Variants in USP34 observed in about 807,000 individuals in gnomAD.
The protein encoded by USP34 is ubiquitin specific peptidase 34, also known as ubiquitin carboxyl-terminal hydrolase 34.
In USP34, 70 loss-of-function variants were observed where a neutral mutation model predicts 460.3. That is an observed-to-expected ratio of 0.15 (90% CI 0.13 to 0.19). USP34 has a LOEUF of 0.19. Among genes scored for constraint, USP34 ranks in the 10% least tolerant of loss-of-function variants. USP34 has a pLI of 1.00. For synonymous variants in USP34, 1,647 were observed against 1,405.3 expected (o/e 1.17, Z -3.85); for missense variants, 3,985 against 4,236.2 (o/e 0.94, Z 1.65).
intron 3 of USP34, among the ~76,000 whole-genome samples, chr2:61,396,038 C>T (rs1693513208): frequency 7.4e-6 from 1 of 135,172 alleles, no homozygotes; most frequent in Non-Finnish European, 1.6e-5. Flanking sequence ...TCCTGGGTGA[C>T]AGAGCAAAAC....
chr2:61,445,470 G>T (rs569161297), intron 1 of USP34, among the ~76,000 whole-genome samples: 66 of 149,278 alleles, frequency 4.4e-4, no homozygotes, highest in South Asian at 3.6e-3. Context: ...GGGAGGCAGA[G>T]TTTGCAGTGA....
At chr2:61,467,784 G>A (rs1035502596) in intron 1 of USP34, among the ~76,000 whole-genome samples, 13 of 151,508 alleles carry the variant, frequency 8.6e-5, no homozygotes, top group Non-Finnish European at 1.3e-4. Context: ...CACCACACCC[G>A]GCTAATTGGT....
rs139446095 is a variant in USP34, at chr2:61,439,871, G to A, written c.44-19038C>T. On this transcript the variant is annotated intron_variant, in intron 1 of 79. Transcript: ENST00000398571. ...GTGTGGCCCAGAGAGGTGTCTGGGT[G>A]TGGATTCTGTGGATGGCTGCACTGT... 2.4e-4 allele frequency among the ~76,000 whole-genome samples: 36 copies of A among 152,308 alleles called. No individual in the cohort carries two copies. The East Asian group carries it at 6.4e-3, about 27-fold the overall frequency.
intron 57 of USP34, among the ~76,000 whole-genome samples, chr2:61,234,519 A>G (rs1688006635): frequency 6.6e-6 from 1 of 152,228 alleles, no homozygotes; most frequent in African/African-American, 2.4e-5. Flanking sequence ...GAGTGGGGAA[A>G]GAGGAAGTGA....
chr2:61,311,667 A>G lies in USP34; in HGVS notation c.3690T>C (p.Pro1230=), dbSNP rs201058135. Residue 1230 remains proline (P), a synonymous_variant, in exon 27 of 80, where the codon CCT becomes CCC. Transcript: ENST00000398571. ...CCCTAAGATCTGCTACCTGGTCACT[A>G]GGATACATTTCAATAGTCATCTGAA... ...LPDKMTIEMY[P]SDQVADLRAE... is the part of the protein sequence containing the mutation. 6.0e-5 allele frequency: 96 copies of G among 1,612,428 alleles called. No individual in the cohort carries two copies. The highest frequency in any genetic ancestry group is 7.6e-5 in the Non-Finnish European group (90 of 1,179,604).
intron 8 of USP34, among the ~76,000 whole-genome samples, chr2:61,371,176 C>G (rs1380380011): frequency 6.6e-6 from 1 of 152,146 alleles, no homozygotes; most frequent in Non-Finnish European, 1.5e-5. Flanking sequence ...TGAACAATTC[C>G]TATCACCTAA....
intron 1 of USP34, among the ~76,000 whole-genome samples, chr2:61,425,633 G>A (rs894380942): frequency 3.3e-5 from 5 of 152,132 alleles, no homozygotes; most frequent in African/African-American, 1.2e-4. Flanking sequence ...CACCATGGAG[G>A]GCTACAGCAC....
At chr2:61,229,476 C>CAAAAAAAAAAAAAA in intron 59 of USP34, 72 bp downstream of exon 59, 2 of 401,848 alleles carry the variant, frequency 5.0e-6, no homozygotes, top group Non-Finnish European at 7.4e-6. Context: ...AAAAAAAAAA[C>CAAAAAAAAAAAAAA]AAAAAAAAAA....
chr2:61,265,670 G>T, intron 42 of USP34, 113 bp from the exon 43 acceptor site: 1 of 866,156 alleles, frequency 1.2e-6, no homozygotes, highest in Non-Finnish European at 1.6e-6. Flanking sequence ...AATATATATA[G>T]AACATTATAT....
chr2:61,440,461 G>C (rs545788797), intron 1 of USP34, among the ~76,000 whole-genome samples: 1 of 151,988 alleles, frequency 6.6e-6, no homozygotes, highest in Non-Finnish European at 1.5e-5. Flanking sequence ...GCTGCAGAGG[G>C]AATTTCTCTT....
At chr2:61,237,570 T>A (rs1462062702) in intron 53 of USP34, among the ~76,000 whole-genome samples, 2 of 138,704 alleles carry the variant, frequency 1.4e-5, no homozygotes, top group African/African-American at 5.4e-5. Context: ...TTTTTTTTTT[T>A]TTTTTTTTTT....
At chr2:61,311,997 G>T in intron 25 of USP34, 87 bp from the exon 26 acceptor site, 1 of 1,491,752 alleles carries the variant, frequency 6.7e-7, no homozygotes. Context: ...TTACAGACTG[G>T]AAAAGTCCAA....
Position 61,281,302 on chromosome 2 carries a change from A to G in USP34, c.4999-60T>C. ...GTTAGTATTACAAAGTTAATATGTT[A>G]GCAGAAATAATTTTAGGTGATTTTA... On this transcript the variant is annotated intron_variant, in intron 37 of 79. Coordinates refer to ENST00000398571, the MANE Select transcript of USP34 (RefSeq NM_014709.4). 3.9e-6 allele frequency: 6 copies of G among 1,537,162 alleles called. No homozygotes were observed. In the Middle Eastern group the frequency reaches 5.2e-4, roughly 133 times the overall value.
chr2:61,414,867 T>C (rs765598175), intron 2 of USP34, among the ~76,000 whole-genome samples: 2 of 152,112 alleles, frequency 1.3e-5, no homozygotes, highest in Non-Finnish European at 2.9e-5. Context: ...TTACACCCTA[T>C]GCAAACATCT....
chr2:61,257,863 C>T (rs2103897708), intron 44 of USP34, among the ~76,000 whole-genome samples: 1 of 152,284 alleles, frequency 6.6e-6, no homozygotes, highest in East Asian at 1.9e-4. Context: ...AACAGCAAGA[C>T]TCCATCTCCA....
At chr2:61,355,332 T>C (rs1692070500) in intron 10 of USP34, among the ~76,000 whole-genome samples, 1 of 152,182 alleles carries the variant, frequency 6.6e-6, no homozygotes, top group South Asian at 2.1e-4. Context: ...AATACTGAAA[T>C]TTCAGTTTGT....
chr2:61,256,258 T>G, intron 48 of USP34, 126 bp downstream of exon 48: 1 of 813,650 alleles, frequency 1.2e-6, no homozygotes, highest in Middle Eastern at 2.9e-4. Flanking sequence ...TCCATGAGAC[T>G]GAGCTCCATG....
At chr2:61,201,795 T>A (rs1411295504) in intron 75 of USP34, among the ~76,000 whole-genome samples, 3 of 152,254 alleles carry the variant, frequency 2.0e-5, no homozygotes, top group African/African-American at 7.2e-5. Context: ...TAACTTTTAG[T>A]ATAAATTATA....
At chr2:61,466,644 G>A (rs1277627435) in intron 1 of USP34, among the ~76,000 whole-genome samples, 3 of 152,050 alleles carry the variant, frequency 2.0e-5, no homozygotes, top group Non-Finnish European at 2.9e-5. Flanking sequence ...AGGCATGCTG[G>A]CTCACTCCTG....
Sources: allele counts gnomAD v4.1 joint callset (sites outside exome capture counted in the v4.1 genomes callset), GRCh38; gene constraint gnomAD v4.1.1; transcripts MANE v1.5; gene names NCBI Gene and HGNC (gene_info 2026-07-23, HGNC 2026-07-21).